Variants in FOXP1 observed in about 807,000 individuals in gnomAD.
The protein encoded by FOXP1 is forkhead box P1.
FOXP1 carries 15 observed loss-of-function variants against 98.2 expected under a neutral mutation model. The ratio of observed to expected loss-of-function variants is 0.15; its 90% CI spans 0.10 to 0.24. The LOEUF is 0.24. FOXP1 is among the 10% of genes least tolerant of loss of function. The probability of loss-of-function intolerance (pLI) is 1.00; values close to 1 mark genes in which losing one functional copy is unlikely to be tolerated. For synonymous variants in FOXP1, 371 were observed against 314.5 expected, an observed-to-expected ratio of 1.18 and a Z score of -1.90; for missense variants, 633 against 848.5, an observed-to-expected ratio of 0.75 and a Z score of 3.15.
chr3:71,352,486 A>AG (rs1257421739), intron 4 of FOXP1, among the ~76,000 whole-genome samples: 1 of 150,692 alleles, frequency 6.6e-6, no homozygotes, highest in Non-Finnish European at 1.5e-5. Context: ...AAAAAAAAAA[A>AG]AAAAAAACAC....
Position 71,147,049 on chromosome 3 carries a change from C to T in FOXP1, c.181-34412G>A, listed in dbSNP as rs576757508. 3.9e-5 allele frequency among the ~76,000 whole-genome samples: 6 copies of T among 152,318 alleles called. No individual in the cohort carries two copies. The East Asian group carries it at 1.2e-3, about 29-fold the overall frequency. On this transcript the variant is annotated intron_variant, in intron 6 of 20. Transcript: ENST00000649528. ...TCAAACTAGCATTTACTCTGGATGCCTAAATTACCTGGCGTTTCAGCCAGC... is the reference window on the plus strand; with the variant it reads ...TCAAACTAGCATTTACTCTGGATGCTTAAATTACCTGGCGTTTCAGCCAGC...
At chr3:71,135,956 T>C (rs920440318) in intron 6 of FOXP1, among the ~76,000 whole-genome samples, 3 of 152,216 alleles carry the variant, frequency 2.0e-5, no homozygotes, top group Admixed American at 1.3e-4. Flanking sequence ...AAAGAAAATC[T>C]TCCTTCAGAC....
chr3:71,039,823 A>G (rs910347762), intron 11 of FOXP1, among the ~76,000 whole-genome samples: 3 of 151,918 alleles, frequency 2.0e-5, no homozygotes, highest in Non-Finnish European at 4.4e-5. Flanking sequence ...GCTTCCAGAC[A>G]TACATATCTA....
Position 71,041,465 on chromosome 3 carries a change from G to C in FOXP1, c.732C>G (p.Thr244=). ...CCAAACTGCTGTGATTGTTGCCTGT[G>C]GTTTCTTCTGCAGTATGAGCACTTG... The part of the protein sequence containing the change: ...EVTSAHTAEE[T]TGNNHSSLDL... The change falls in exon 11 of 21, where the codon ACC becomes ACG. Residue 244 remains threonine, a synonymous_variant. Transcript: ENST00000649528. The C allele has an allele frequency of 6.2e-7, 1 of 1,613,860 alleles. No homozygotes were observed. The highest frequency in any genetic ancestry group is 8.5e-7 in the Non-Finnish European group (1 of 1,179,822).
In FOXP1 at chr3:71,001,917, G is replaced by A. The variant is rs1019902533; in HGVS notation, c.975-858C>T. On this transcript the variant is annotated intron_variant, in intron 12 of 20. Coordinates refer to ENST00000649528, the MANE Select transcript of FOXP1 (RefSeq NM_001349338.3). Reference sequence around the variant, plus strand: ...TACAGCAGACCTGATTCTGTAATGGGATATTTGCCTCAAATTCTATGAACA... The same window carrying A: ...TACAGCAGACCTGATTCTGTAATGGAATATTTGCCTCAAATTCTATGAACA... 2.0e-5 allele frequency among the ~76,000 whole-genome samples: 3 copies of A among 152,142 alleles called. No individual in the cohort carries two copies. In the East Asian group the frequency reaches 5.8e-4, roughly 29 times the overall value.
At chr3:70,995,753 C>G (rs1307380025) in intron 13 of FOXP1, among the ~76,000 whole-genome samples, 1 of 152,204 alleles carries the variant, frequency 6.6e-6, no homozygotes, top group Non-Finnish European at 1.5e-5. Flanking sequence ...GAGATGTCTT[C>G]TTGACTCTTC....
intron 5 of FOXP1, among the ~76,000 whole-genome samples, chr3:71,278,351 G>A (rs1362406355): frequency 6.6e-6 from 1 of 152,140 alleles, no homozygotes; most frequent in Admixed American, 6.5e-5. Context: ...TCCTTTATGA[G>A]CACAGAAGCA....
chr3:71,236,916 AAAG>A (rs1473093933), intron 5 of FOXP1, among the ~76,000 whole-genome samples: 1 of 151,676 alleles, frequency 6.6e-6, no homozygotes, highest in African/African-American at 2.4e-5. Context: ...ATAAAATAAA[AAAG>A]AAGTAGTGAA....
Position 71,531,169 on chromosome 3 carries a change from A to T in FOXP1, c.-297-37614T>A, listed in dbSNP as rs370248696. On this transcript the variant is annotated intron_variant, in intron 2 of 20. Coordinates refer to ENST00000649528, the MANE Select transcript of FOXP1 (RefSeq NM_001349338.3). ...AATAAATATAATTTCTTCCGGGCCC[A>T]GGGCTCAGTGCAATGCTCAGGCAAA... Among the ~76,000 whole-genome samples, 13 of 152,350 alleles carry T rather than the reference A, an allele frequency of 8.5e-5. No individual in the cohort carries two copies. In the East Asian group the frequency reaches 1.3e-3, roughly 16 times the overall value.
intron 3 of FOXP1, among the ~76,000 whole-genome samples, chr3:71,461,029 G>A (rs542603583): frequency 4.6e-4 from 70 of 152,340 alleles, no homozygotes; most frequent in African/African-American, 1.6e-3. Context: ...AGGAATTTGT[G>A]ACTGAAACCT....
chr3:71,274,191 A>G (rs975956279), intron 5 of FOXP1, among the ~76,000 whole-genome samples: 3 of 152,194 alleles, frequency 2.0e-5, no homozygotes, highest in Non-Finnish European at 4.4e-5. Context: ...TGTTTTATTC[A>G]TCTTAGTGTT....
At chr3:71,004,005 G>A (rs1382986316) in intron 12 of FOXP1, among the ~76,000 whole-genome samples, 1 of 150,682 alleles carries the variant, frequency 6.6e-6, no homozygotes, top group South Asian at 2.1e-4. Context: ...TTTTTTTTTG[G>A]TTATTTACTA....
chr3:71,032,398 G>C (rs2046993351), intron 11 of FOXP1, among the ~76,000 whole-genome samples: 1 of 152,198 alleles, frequency 6.6e-6, no homozygotes, highest in African/African-American at 2.4e-5. Context: ...TCCCGAAATA[G>C]TTTCCCAAAG....
At position 71,355,665 on chromosome 3, in the gene FOXP1, T is replaced by C. The variant is rs116086060; in HGVS notation, c.-73+3485A>G. 7.6e-3 allele frequency among the ~76,000 whole-genome samples: 1,164 copies of C among 152,240 alleles called. 18 individuals are homozygous for C. Among genetic ancestry groups the C allele is most frequent in the African/African-American group, 0.027 (1,103 of 41,532 alleles). On this transcript the variant is annotated intron_variant, in intron 4 of 20. Coordinates refer to ENST00000649528, the MANE Select transcript of FOXP1 (RefSeq NM_001349338.3). ...CACGCCAGATCTTCAAGCCACTATCTCCACACAGTGAACATGATGGAAGCA... is the reference window on the plus strand; with the variant it reads ...CACGCCAGATCTTCAAGCCACTATCCCCACACAGTGAACATGATGGAAGCA...
At chr3:71,479,812 T>C (rs963702210) in intron 3 of FOXP1, among the ~76,000 whole-genome samples, 1 of 152,200 alleles carries the variant, frequency 6.6e-6, no homozygotes, top group Non-Finnish European at 1.5e-5. Flanking sequence ...TAATCTTGGT[T>C]ATGTTTACCA....
chr3:71,167,044 C>G (rs1437031864), intron 6 of FOXP1, among the ~76,000 whole-genome samples: 2 of 151,996 alleles, frequency 1.3e-5, no homozygotes, highest in African/African-American at 4.8e-5. Context: ...CTTACATATT[C>G]CAGGCACATC....
At chr3:71,368,049 C>T (rs17717911) in intron 3 of FOXP1, among the ~76,000 whole-genome samples, 16,724 of 152,216 alleles carry the variant, frequency 0.11, 1,184 homozygotes, top group Non-Finnish European at 0.16. Flanking sequence ...GCTGGACCCT[C>T]GACAAATTAC....
chr3:71,266,927 G>A (rs940995160), intron 5 of FOXP1, among the ~76,000 whole-genome samples: 9 of 152,050 alleles, frequency 5.9e-5, no homozygotes, highest in Non-Finnish European at 1.2e-4. Flanking sequence ...CTGCAGTTTT[G>A]GACTTTCAAT....
At chr3:71,281,927 T>C (rs1265235807) in intron 5 of FOXP1, among the ~76,000 whole-genome samples, 2 of 142,260 alleles carry the variant, frequency 1.4e-5, no homozygotes, top group East Asian at 4.3e-4. Context: ...CAAACCTCTG[T>C]CTCTACTAAA....
Sources: gnomAD v4.1 joint callset for allele counts (sites outside exome capture counted in the v4.1 genomes callset) on GRCh38, gnomAD v4.1.1 for gene constraint, MANE v1.5 for transcripts, NCBI Gene and HGNC (gene_info 2026-07-23, HGNC 2026-07-21) for gene names.